Variants in HAO2 observed in about 807,000 individuals in gnomAD.
HAO2 encodes the protein 2-Hydroxyacid oxidase 2.
In HAO2, 42 loss-of-function variants were observed where a neutral mutation model predicts 37.4. The ratio of observed to expected loss-of-function variants is 1.12; its 90% confidence interval spans 0.88 to 1.45. The LOEUF (loss-of-function observed/expected upper bound fraction) is 1.45, where lower values mean the gene tolerates loss of function less well. Among genes scored for constraint, HAO2 ranks in the 40% most tolerant of loss-of-function variants. HAO2 has a pLI of 0.00. For synonymous variants in HAO2, 180 were observed against 162.8 expected, an observed-to-expected ratio of 1.11 and a Z score of -0.81; for missense variants, 476 against 430.2, an observed-to-expected ratio of 1.11 and a Z score of -0.94.
chr1:119,391,129 C>A (rs1650854868), intron 5 of HAO2, among the ~76,000 whole-genome samples: 1 of 151,932 alleles, frequency 6.6e-6, no homozygotes, highest in South Asian at 2.1e-4. Flanking sequence ...ATTATTTCCT[C>A]ACTATTTTCT....
intron 1 of HAO2, among the ~76,000 whole-genome samples, chr1:119,373,886 C>CA (rs925362657): frequency 6.6e-5 from 10 of 151,878 alleles, no homozygotes; most frequent in African/African-American, 2.2e-4. Context: ...ATAAAACAAA[C>CA]AAAAAAAGGG....
At chr1:119,392,318 T>A (rs1226775679) in intron 6 of HAO2, 50 bp downstream of exon 6, 2 of 1,425,582 alleles carry the variant, frequency 1.4e-6, no homozygotes, top group Middle Eastern at 2.4e-4. Flanking sequence ...TTCTCATTCA[T>A]TTCTGTGCTT....
intron 1 of HAO2, among the ~76,000 whole-genome samples, chr1:119,375,744 A>C (rs1649402015): frequency 6.6e-6 from 1 of 152,220 alleles, no homozygotes; most frequent in South Asian, 2.1e-4. Context: ...AAGGCAAAGG[A>C]GGAGCAAAGG....
At chr1:119,376,274 G>A (rs941513935) in intron 1 of HAO2, among the ~76,000 whole-genome samples, 8 of 152,184 alleles carry the variant, frequency 5.3e-5, no homozygotes, top group Admixed American at 2.6e-4. Context: ...AAATCCAGCA[G>A]AGCAGTCAAA....
rs1369619748 is a variant in HAO2 at position 119,393,868 on chromosome 1, G to A, written c.*28G>A. The A allele has an allele frequency of 5.6e-6, 9 of 1,612,190 alleles. No homozygotes were observed. The highest frequency in any genetic ancestry group is 5.9e-6 in the Non-Finnish European group (7 of 1,178,558). On this transcript the variant is annotated 3_prime_UTR_variant, in exon 8 of 8. Transcript: ENST00000325945. ...AAAAAGGGCCAATAACCAGACTGCT[G>A]AGGTTGCCCACAGGAGGATCACAAA...
chr1:119,386,622 G>T lies in HAO2; in HGVS notation c.562G>T (p.Gly188Ter). The T allele has an allele frequency of 1.3e-6, 2 of 1,588,882 alleles. No homozygotes were observed. The highest frequency in any genetic ancestry group is 1.7e-6 in the Non-Finnish European group (2 of 1,157,346). Residue 188 changes from glycine to a stop codon, truncating the protein, a stop_gained and splice_region_variant, in exon 5 of 8, where the codon GGA becomes TGA. Transcript: ENST00000325945. LOFTEE classifies it high-confidence loss of function. Reference protein sequence around the residue: ...TLTDLQSPKKGNAIPYFQMTP... With the variant: ...TLTDLQSPKK Reference sequence around the variant, plus strand: ...TAAGTTCCCTTTTTATTTCCTATAGGGAAATGCAATACCTTATTTCCAGAT... The same window carrying T: ...TAAGTTCCCTTTTTATTTCCTATAGTGAAATGCAATACCTTATTTCCAGAT...
intron 1 of HAO2, among the ~76,000 whole-genome samples, chr1:119,374,010 C>G (rs1161298488): frequency 6.6e-6 from 1 of 152,188 alleles, no homozygotes; most frequent in African/African-American, 2.4e-5. Flanking sequence ...CTTGCCAGAT[C>G]TGAACTGGAC....
intron 6 of HAO2, 30 bp from the exon 7 acceptor site, chr1:119,392,588 T>G: frequency 6.8e-7 from 1 of 1,473,072 alleles, no homozygotes; most frequent in Non-Finnish European, 9.5e-7. Flanking sequence ...TATGTCTCTT[T>G]GTGTCTCTGT....
chr1:119,385,706 G>T (rs1425250330), intron 4 of HAO2: 1 of 985,304 alleles, frequency 1.0e-6, no homozygotes, highest in African/African-American at 1.7e-5. Flanking sequence ...TGATAAAGTG[G>T]GAATCCCTGG....
intron 1 of HAO2, chr1:119,380,468 C>T: frequency 2.2e-6 from 1 of 463,352 alleles, no homozygotes; most frequent in Admixed American, 3.9e-5. Context: ...ACAAAGTAAA[C>T]TTTGTCTTGT....
intron 3 of HAO2, among the ~76,000 whole-genome samples, chr1:119,383,848 T>G (rs1210505993): frequency 6.6e-6 from 1 of 152,176 alleles, no homozygotes; most frequent in East Asian, 1.9e-4. Context: ...GAGCTGAATG[T>G]GACATCCATC....
chr1:119,386,144 G>A (rs1205524621), intron 4 of HAO2: 1 of 152,628 alleles, frequency 6.6e-6, no homozygotes, highest in Non-Finnish European at 1.5e-5. Context: ...TACAAAGTTT[G>A]TTAGACAAAG....
intron 5 of HAO2, among the ~76,000 whole-genome samples, chr1:119,387,290 A>T (rs1300634889): frequency 6.6e-6 from 1 of 152,200 alleles, no homozygotes; most frequent in Non-Finnish European, 1.5e-5. Context: ...TAACTCATAA[A>T]TTTATGTTCA....
At chr1:119,391,738 C>A (rs997897000) in intron 5 of HAO2, among the ~76,000 whole-genome samples, 1 of 151,992 alleles carries the variant, frequency 6.6e-6, no homozygotes, top group Admixed American at 6.6e-5. Flanking sequence ...AGTTGTGCCA[C>A]CCTAGAAACA....
At chr1:119,383,141 T>A in intron 3 of HAO2, 75 bp downstream of exon 3, 1 of 1,103,138 alleles carries the variant, frequency 9.1e-7, no homozygotes, top group Non-Finnish European at 1.3e-6. Context: ...GGCTCCAAGA[T>A]TCTCTCTAGA....
At chr1:119,370,445 G>A (rs1648891313) in intron 1 of HAO2, 1 of 152,156 alleles carries the variant, frequency 6.6e-6, no homozygotes, top group South Asian at 2.1e-4. Flanking sequence ...TCATCAACAG[G>A]AGGAATAATG....
intron 5 of HAO2, among the ~76,000 whole-genome samples, chr1:119,389,146 A>ATATATACACACGTATATATATATGTGTG (rs1650632529): frequency 5.4e-5 from 3 of 56,072 alleles, no homozygotes; most frequent in African/African-American, 1.9e-4. Context: ...TCATATATAT[A>ATATATACACACGTATATATATATGTGTG]TATATATATA....
Position 119,386,823 on chromosome 1 carries a change from C to T in HAO2, c.763C>T (p.Leu255Phe). The T allele has an allele frequency of 6.2e-7, 1 of 1,604,770 alleles. No individual in the cohort carries two copies. The highest frequency in any genetic ancestry group is 1.7e-4 in the Middle Eastern group (1 of 6,038). Residue 255 changes from leucine to phenylalanine, a missense_variant, in exon 5 of 8, where the codon CTT becomes TTT. Coordinates refer to ENST00000325945, the MANE Select transcript of HAO2 (RefSeq NM_016527.4). ...NHGGRQLDEV[L>F]ASIDALTEVV... Reference sequence around the variant, plus strand: ...TGGTGGGAGGCAGCTTGATGAGGTTCTTGCTTCAGTAAGTAGGATTACTTC... The same window carrying T: ...TGGTGGGAGGCAGCTTGATGAGGTTTTTGCTTCAGTAAGTAGGATTACTTC...
chr1:119,393,968 A>G lies in HAO2; in HGVS notation c.*128A>G. On this transcript the variant is annotated 3_prime_UTR_variant, in exon 8 of 8. Coordinates refer to ENST00000325945, the MANE Select transcript of HAO2 (RefSeq NM_016527.4). ...GAGGCTCATGGCCCATATTTCCCACATTTCTAATACCACCACCCCTGTGCT... is the reference window on the plus strand; with the variant it reads ...GAGGCTCATGGCCCATATTTCCCACGTTTCTAATACCACCACCCCTGTGCT... 6.5e-7 allele frequency: 1 copy of G among 1,543,644 alleles called. No homozygotes were observed. The highest frequency in any genetic ancestry group is 8.8e-7 in the Non-Finnish European group (1 of 1,137,642).
Sources: allele counts gnomAD v4.1 joint callset (sites outside exome capture counted in the v4.1 genomes callset), GRCh38; gene constraint gnomAD v4.1.1; transcripts MANE v1.5; gene names NCBI Gene and HGNC (gene_info 2026-07-23, HGNC 2026-07-21).